Variants in MUS81 observed in about 807,000 individuals in gnomAD.
MUS81 encodes MUS81 structure-specific endonuclease subunit.
In MUS81, 69 loss-of-function variants were observed where a neutral mutation model predicts 74.2. The ratio of observed to expected loss-of-function variants is 0.93; its 90% CI spans 0.77 to 1.14. MUS81 has a LOEUF of 1.14. Among genes scored for constraint, MUS81 ranks in the 50% most tolerant of loss-of-function variants. The pLI is 0.00. For missense variants in MUS81, 711 were observed against 726.5 expected (o/e 0.98, Z 0.25); for synonymous variants, 303 against 300.6 (o/e 1.01, Z -0.08).
upstream of MUS81, among the ~76,000 whole-genome samples, chr11:65,859,744 CTG>C (rs949060447): frequency 2.0e-4 from 30 of 152,368 alleles, no homozygotes; most frequent in African/African-American, 6.7e-4. Context: ...GGCGGGTCGC[CTG>C]TGTCCAACTC....
chr11:65,862,639 GCCTTTCCTC>G, intron 6 of MUS81, 110 bp downstream of exon 6: 1 of 1,038,310 alleles, frequency 9.6e-7, no homozygotes, highest in Non-Finnish European at 1.4e-6. Context: ...GGGGGGGTGG[GCCTTTCCTC>G]AGGAGCCCCC....
chr11:65,863,911 C>A lies in MUS81; in HGVS notation c.1059+10C>A. The A allele has an allele frequency of 6.2e-7, 1 of 1,613,714 alleles. No individual in the cohort carries two copies. Among genetic ancestry groups the A allele is most frequent in the Non-Finnish European group, 8.5e-7 (1 of 1,179,798 alleles). On this transcript the variant is annotated intron_variant, in intron 10 of 15. Coordinates refer to ENST00000308110, the MANE Select transcript of MUS81 (RefSeq NM_025128.5). ...CTTCCGGGAGCAGAAGGTAATTTTG[C>A]TGGCTTTGCCAGGCTTCCCTGCCTG...
At chr11:65,862,607 A>C in intron 6 of MUS81, 78 bp downstream of exon 6, 1 of 1,321,580 alleles carries the variant, frequency 7.6e-7, no homozygotes, top group African/African-American at 1.4e-5. Context: ...AACAACTCCC[A>C]GAGCTGATGC....
In MUS81 at chr11:65,864,601, C is replaced by T. The variant is rs775729141; in HGVS notation, c.1164C>T (p.Val388=). The part of the protein sequence containing the change: ...SLPESTLLQA[V]TNTQVIDGFF... Reference sequence around the variant, plus strand: ...CTGAGAGCACACTGCTGCAGGCTGTCACCAACACTCAGGTGAGCTGGGAGG... The same window carrying T: ...CTGAGAGCACACTGCTGCAGGCTGTTACCAACACTCAGGTGAGCTGGGAGG... Residue 388 remains valine, a synonymous_variant, in exon 11 of 16, where the codon GTC becomes GTT. Transcript: ENST00000308110. 2 of 1,614,084 alleles carry T rather than the reference C, an allele frequency of 1.2e-6. No homozygotes were observed. Among genetic ancestry groups the T allele is most frequent in the Non-Finnish European group, 1.7e-6 (2 of 1,179,976 alleles).
downstream of MUS81, chr11:65,867,067 CGTT>C (rs767042101): frequency 1.1e-5 from 18 of 1,613,964 alleles, no homozygotes; most frequent in Non-Finnish European, 1.5e-5. Context: ...ATGGCGCTGA[CGTT>C]GTTGATTTGC....
downstream of MUS81, chr11:65,867,038 C>CG (rs1565272114): frequency 6.2e-7 from 1 of 1,614,050 alleles, no homozygotes; most frequent in African/African-American, 1.3e-5. Context: ...GGCCCGTCAC[C>CG]GGCCGGGCGA....
In MUS81 at chr11:65,865,078, C is replaced by T. The variant is rs754645666; in HGVS notation, c.1334C>T (p.Thr445Ile). ...TPGNPESGAMTSPNPLCSLLT... is the reference protein window; with the variant it reads ...TPGNPESGAMISPNPLCSLLT... ...GGGAACCCTGAATCAGGGGCCATGACCTCTCCAAACCCTCTCTGCTCACTC... is the reference window on the plus strand; with the variant it reads ...GGGAACCCTGAATCAGGGGCCATGATCTCTCCAAACCCTCTCTGCTCACTC... The change falls in exon 13 of 16, where the codon ACC becomes ATC. Residue 445 changes from threonine (T) to isoleucine (I), a missense_variant. Coordinates refer to ENST00000308110, the MANE Select transcript of MUS81 (RefSeq NM_025128.5). 1 of 1,614,038 alleles carries T rather than the reference C, an allele frequency of 6.2e-7. No individual in the cohort carries two copies. Among genetic ancestry groups the T allele is most frequent in the East Asian group, 2.2e-5 (1 of 44,896 alleles).
At chr11:65,863,983 G>T in intron 10 of MUS81, 82 bp downstream of exon 10, 1 of 1,404,410 alleles carries the variant, frequency 7.1e-7, no homozygotes. Context: ...GGCACTTCTG[G>T]CAGCCTCCTT....
At position 65,860,761 on chromosome 11, in the gene MUS81, C is replaced by T. The variant is rs1018632378; in HGVS notation, c.8C>T (p.Ala3Val). The T allele has an allele frequency of 1.4e-5, 22 of 1,534,196 alleles. No homozygotes were observed. The highest frequency in any genetic ancestry group is 8.3e-5 in the South Asian group (7 of 83,902). Residue 3 changes from alanine (A) to valine (V), a missense_variant, in exon 1 of 16, where the codon GCC becomes GTC. Transcript: ENST00000308110. ...GGACCCGCCCTCGGGCTCATGGCGG[C>T]CCCGGTCCGCCTGGGCCGGAAGCGC... MA[A>V]PVRLGRKRPL...
upstream of MUS81, chr11:65,860,096 C>CG: frequency 2.8e-6 from 1 of 362,682 alleles, no homozygotes. Flanking sequence ...CCCTGTATCC[C>CG]GGGGATGAGG....
Position 65,863,508 on chromosome 11 carries a change from T to C in MUS81, c.839+6T>C, listed in dbSNP as rs1859694852. 6.2e-7 allele frequency: 1 copy of C among 1,612,552 alleles called. No individual in the cohort carries two copies. The highest frequency in any genetic ancestry group is 1.3e-5 in the African/African-American group (1 of 74,368). ...GACATTGGCGAGACCCGGGGGTGAG[T>C]GAGGTGGGGAGAAACGAGGGAGATG... On this transcript the variant is annotated splice_donor_region_variant and intron_variant, in intron 8 of 15. Transcript: ENST00000308110.
rs1420231513 is a variant in MUS81 at position 65,863,618 on chromosome 11, G to A, written c.858G>A (p.Glu286=). The change falls in exon 9 of 16, where the codon GAG becomes GAA. Residue 286 remains glutamate (E), a synonymous_variant. Coordinates refer to ENST00000308110, the MANE Select transcript of MUS81 (RefSeq NM_025128.5). ...GETRGGGHRP[E]LLRELQRLHV... ...ACTCCAGGGGCGGGCACAGGCCGGA[G>A]CTGCTCCGAGAGCTACAGCGGCTGC... 1 of 1,613,928 alleles carries A rather than the reference G, an allele frequency of 6.2e-7. No individual in the cohort carries two copies. Among genetic ancestry groups the A allele is most frequent in the African/African-American group, 1.3e-5 (1 of 74,928 alleles).
chr11:65,865,371 C>A, intron 14 of MUS81, 48 bp downstream of exon 14: 2 of 1,554,950 alleles, frequency 1.3e-6, no homozygotes, highest in South Asian at 1.2e-5. Flanking sequence ...GCCCTCCATG[C>A]ATGGAATTCA....
downstream of MUS81, chr11:65,867,017 G>A (rs776665492): frequency 6.2e-6 from 10 of 1,614,160 alleles, no homozygotes; most frequent in East Asian, 4.5e-5. Flanking sequence ...GGTCCAGCAC[G>A]TACTCCCGGG....
intron 4 of MUS81, 59 bp downstream of exon 4, chr11:65,862,104 A>G: frequency 6.3e-7 from 1 of 1,592,482 alleles, no homozygotes; most frequent in African/African-American, 1.3e-5. Flanking sequence ...AGGTTCCCCG[A>G]GGGGCCTGGC....
chr11:65,863,336 C>T (rs976479009), intron 7 of MUS81, 74 bp from the exon 8 acceptor site: 52 of 1,594,384 alleles, frequency 3.3e-5, no homozygotes, highest in Middle Eastern at 1.9e-4. Flanking sequence ...TGGTGGGTGT[C>T]GGGTGGCATG....
At chr11:65,861,239 T>A in intron 2 of MUS81, 111 bp from the exon 3 acceptor site, 1 of 1,532,538 alleles carries the variant, frequency 6.5e-7, no homozygotes, top group Non-Finnish European at 8.9e-7. Context: ...TGGCTGGCGC[T>A]CCCTGAGCCT....
Position 65,863,441 on chromosome 11 carries a change from C to T in MUS81, c.778C>T (p.Leu260=). The stretch of plus-strand genomic sequence containing the variant: ...TGAAGCAGGGGTCCAGCAGCAGCCA[C>T]TGGAGCTGAGGCCTGGAGAGTACAG... The part of the protein sequence containing the change: ...ASEAGVQQQP[L]ELRPGEYRVL... The change falls in exon 8 of 16, where the codon CTG becomes TTG. Residue 260 remains leucine (L), a synonymous_variant. Coordinates refer to ENST00000308110, the MANE Select transcript of MUS81 (RefSeq NM_025128.5). 1.2e-6 allele frequency: 2 copies of T among 1,614,150 alleles called. No homozygotes were observed. The highest frequency in any genetic ancestry group is 2.2e-5 in the East Asian group (1 of 44,886).
In MUS81 at chr11:65,863,638, G is replaced by A. The variant is rs867764333; in HGVS notation, c.878G>A (p.Arg293Gln). 62 of 1,613,908 alleles carry A rather than the reference G, an allele frequency of 3.8e-5. No homozygotes were observed. Among genetic ancestry groups the A allele is most frequent in the Middle Eastern group, 1.6e-4 (1 of 6,082 alleles). The change falls in exon 9 of 16, where the codon CGG (arginine) becomes CAG (glutamine). Residue 293 changes from arginine to glutamine, a missense_variant. Arg to Gln is a conservative substitution (Grantham distance 43, BLOSUM62 1). Transcript: ENST00000308110. The part of the protein sequence containing the change: ...HRPELLRELQ[R>Q]LHVTHTVRKL... The stretch of plus-strand genomic sequence containing the variant: ...CCGGAGCTGCTCCGAGAGCTACAGC[G>A]GCTGCACGTGACCCACACGGTGCGC...
Sources: allele counts gnomAD v4.1 joint callset (sites outside exome capture counted in the v4.1 genomes callset), GRCh38; gene constraint gnomAD v4.1.1; transcripts MANE v1.5; gene names NCBI Gene and HGNC (gene_info 2026-07-23, HGNC 2026-07-21).